Variants in PCDH11Y observed in about 807,000 individuals in gnomAD.
PCDH11Y encodes the protein protocadherin-11 Y-linked.
For synonymous variants in PCDH11Y, 9 were observed against 83.6 expected, an observed-to-expected ratio of 0.11 and a Z score of 4.87; for missense variants, 12 against 224.8, an observed-to-expected ratio of 0.05 and a Z score of 6.05.
At chrY:5,328,994 G>A (rs2053126535) in intron 2 of PCDH11Y, among the ~76,000 whole-genome samples, 1 of 32,347 alleles carries the variant, frequency 3.1e-5, no homozygotes, top group Admixed American at 2.9e-4. Context: ...ATGCCTGGAC[G>A]TCAGGCACCT....
chrY:5,108,563 C>A (rs2052798113), downstream of PCDH11Y, among the ~76,000 whole-genome samples: 6 of 30,087 alleles, frequency 2.0e-4, no homozygotes, highest in Admixed American at 1.2e-3. Context: ...CTGGCTAACA[C>A]AGTGAAACCT....
intron 2 of PCDH11Y, among the ~76,000 whole-genome samples, chrY:5,448,658 T>A (rs2053289802): frequency 3.0e-5 from 1 of 33,237 alleles, no homozygotes; most frequent in Non-Finnish European, 7.4e-5. Flanking sequence ...GTCTTGTGTG[T>A]ATTTCATCAT....
chrY:5,017,137 A>G, intron 1 of PCDH11Y, among the ~76,000 whole-genome samples: 1 of 33,309 alleles, frequency 3.0e-5, no homozygotes, highest in Non-Finnish European at 7.5e-5. Flanking sequence ...TAGTCTTGTT[A>G]TATTTGTTTG....
At chrY:5,435,242 A>G (rs2124681032) in intron 2 of PCDH11Y, among the ~76,000 whole-genome samples, 1 of 32,294 alleles carries the variant, frequency 3.1e-5, no homozygotes, top group South Asian at 7.1e-4. Flanking sequence ...GTCTTGTACA[A>G]TCAAAGCTAT....
chrY:5,559,488 A>G, intron 3 of PCDH11Y, among the ~76,000 whole-genome samples: 1 of 32,763 alleles, frequency 3.1e-5, no homozygotes, highest in Admixed American at 2.8e-4. Context: ...ATATGCAATG[A>G]TATGGTTTCA....
chrY:5,129,438 AAC>A (rs753570084), intron 2 of PCDH11Y, among the ~76,000 whole-genome samples: 11 of 18,834 alleles, frequency 5.8e-4, no homozygotes, highest in East Asian at 4.6e-3. Context: ...CACCACCCTC[AAC>A]ACACACACAC....
chrY:5,487,187 A>AT (rs1293104014), intron 2 of PCDH11Y, among the ~76,000 whole-genome samples: 4 of 30,444 alleles, frequency 1.3e-4, no homozygotes, highest in Admixed American at 3.1e-4. Flanking sequence ...GACTTTTAAT[A>AT]TTTTTTTTTG....
At chrY:5,713,900 A>T (rs1332321198) in intron 4 of PCDH11Y, among the ~76,000 whole-genome samples, 2 of 27,226 alleles carry the variant, frequency 7.3e-5, no homozygotes, top group Non-Finnish European at 1.8e-4. Context: ...AACATTGCTA[A>T]TTTTTTTTTT....
At chrY:5,407,775 C>T (rs1216623497) in intron 2 of PCDH11Y, among the ~76,000 whole-genome samples, 99 of 31,140 alleles carry the variant, frequency 3.2e-3, no homozygotes, top group Non-Finnish European at 6.2e-3. Flanking sequence ...AATTAGCTGG[C>T]GTGGTGGCGG....
At chrY:5,239,247 A>G in intron 2 of PCDH11Y, among the ~76,000 whole-genome samples, 1 of 34,014 alleles carries the variant, frequency 2.9e-5, no homozygotes, top group African/African-American at 1.1e-4. Flanking sequence ...ATGCAGTCAT[A>G]AAAAATGATG....
chrY:5,524,938 T>A (rs2053385090), intron 3 of PCDH11Y, among the ~76,000 whole-genome samples: 1 of 29,445 alleles, frequency 3.4e-5, no homozygotes, highest in African/African-American at 1.4e-4. Flanking sequence ...CTGTGGTGTA[T>A]AAGTGCCATA....
At chrY:5,225,991 G>C in intron 2 of PCDH11Y, among the ~76,000 whole-genome samples, 5 of 17,584 alleles carry the variant, frequency 2.8e-4, no homozygotes, top group Non-Finnish European at 5.0e-4. Context: ...TTCCTACAGA[G>C]TTATTTGAGC....
At chrY:5,001,409 C>T in intron 1 of PCDH11Y, among the ~76,000 whole-genome samples, 2 of 34,129 alleles carry the variant, frequency 5.9e-5, no homozygotes, top group Non-Finnish European at 1.5e-4. Flanking sequence ...TAAAAGGGTT[C>T]CTCTTTCTCT....
intron 2 of PCDH11Y, among the ~76,000 whole-genome samples, chrY:5,366,351 T>C: frequency 3.0e-5 from 1 of 33,384 alleles, no homozygotes; most frequent in Non-Finnish European, 7.4e-5. Context: ...ATGGCAGAAA[T>C]AGGTATTCTA....
intron 2 of PCDH11Y, among the ~76,000 whole-genome samples, chrY:5,124,511 CATG>C (rs2052822855): frequency 3.0e-5 from 1 of 33,431 alleles, no homozygotes; most frequent in African/African-American, 1.2e-4. Flanking sequence ...TCTTAGCTTG[CATG>C]ATGATATTCC....
At chrY:5,008,015 T>C in intron 1 of PCDH11Y, among the ~76,000 whole-genome samples, 1 of 31,311 alleles carries the variant, frequency 3.2e-5, no homozygotes, top group Non-Finnish European at 7.8e-5. Flanking sequence ...ATTTAGTGTC[T>C]TTTTGCACTA....
chrY:5,053,563 G>A, upstream of PCDH11Y, among the ~76,000 whole-genome samples: 1 of 26,180 alleles, frequency 3.8e-5, no homozygotes, highest in Admixed American at 3.8e-4. Flanking sequence ...TCCCATTACT[G>A]GGTATATACC....
chrY:5,294,850 T>A, intron 2 of PCDH11Y, among the ~76,000 whole-genome samples: 1 of 33,127 alleles, frequency 3.0e-5, no homozygotes, highest in Non-Finnish European at 7.4e-5. Context: ...CCCATGAGTT[T>A]TGTATCTTCA....
intron 2 of PCDH11Y, among the ~76,000 whole-genome samples, chrY:5,174,139 GATATAT>G (rs771513755): frequency 0.03 from 297 of 9,829 alleles, no homozygotes; most frequent in East Asian, 0.24. Flanking sequence ...ATACAAATGT[GATATAT>G]ATATATATAT....
Sources: gnomAD v4.1 joint callset for allele counts (sites outside exome capture counted in the v4.1 genomes callset) on GRCh38, gnomAD v4.1.1 for gene constraint, MANE v1.5 for transcripts, NCBI Gene and HGNC (gene_info 2026-07-23, HGNC 2026-07-21) for gene names.